TEX11: variants seen among roughly 807,000 people sequenced by gnomAD.
The protein encoded by TEX11 is testis-expressed protein 11.
A neutral mutation model predicts 84.4 loss-of-function variants in TEX11; 7 were observed. The observed-to-expected ratio is 0.08, with a 90% CI of 0.05 to 0.16. The LOEUF is 0.16. TEX11 is among the 10% of genes least tolerant of loss of function. TEX11 has a pLI of 1.00. For synonymous variants in TEX11, 264 were observed against 222.8 expected (o/e 1.18, Z -1.64); for missense variants, 551 against 660.5 (o/e 0.83, Z 1.82).
intron 25 of TEX11, among the ~76,000 whole-genome samples, chrX:70,568,257 G>T (rs2088525098): frequency 9.0e-6 from 1 of 110,907 alleles, no homozygotes; most frequent in African/African-American, 3.3e-5. Context: ...CCATTTGCTT[G>T]GTAGATCTTC....
chrX:70,846,543 T>G (rs887382826), intron 7 of TEX11, among the ~76,000 whole-genome samples: 5 of 112,207 alleles, frequency 4.5e-5, no homozygotes, highest in Non-Finnish European at 7.5e-5. Context: ...CGCCACCCAT[T>G]CAGTCCTTAA....
At chrX:70,678,359 A>C (rs2090092601) in intron 15 of TEX11, among the ~76,000 whole-genome samples, 1 of 110,858 alleles carries the variant, frequency 9.0e-6, no homozygotes, top group Non-Finnish European at 1.9e-5. Context: ...CAAATGTATA[A>C]TACACAAAGA....
intron 11 of TEX11, among the ~76,000 whole-genome samples, chrX:70,739,037 G>A (rs889847735): frequency 9.0e-6 from 1 of 111,084 alleles, no homozygotes; most frequent in African/African-American, 3.3e-5. Flanking sequence ...GTTGATAGGT[G>A]CAGCAAACCA....
chrX:70,517,786 C>A, the TEX11 span, among the ~76,000 whole-genome samples: 1 of 111,222 alleles, frequency 9.0e-6, no homozygotes, highest in Non-Finnish European at 1.9e-5. Flanking sequence ...TTAATAATTG[C>A]CTCAATTTCA....
At position 70,905,785 on chromosome X, in the gene TEX11, C is replaced by T. The variant is rs367757170; in HGVS notation, c.37+1968G>A. On this transcript the variant is annotated intron_variant, in intron 2 of 29. Coordinates refer to ENST00000374333, the MANE Select transcript of TEX11 (RefSeq NM_031276.3). ...TTAAAAACACAGCCTGGCACAGTGA[C>T]TCACGCCTGTAATCCTAAGACTTTG... Among the ~76,000 whole-genome samples, 9 of 108,445 alleles carry T rather than the reference C, an allele frequency of 8.3e-5. No individual in the cohort carries two copies. In the East Asian group the frequency reaches 1.7e-3, roughly 21 times the overall value. The allele number at this position is 108,445 out of a possible 115,157, so 94.2% of individuals were successfully genotyped here. A position where few individuals can be genotyped will look rare whatever the true frequency, so the allele number is the denominator to read the frequency against.
chrX:70,735,363 T>A (rs753727569), intron 11 of TEX11, among the ~76,000 whole-genome samples: 2 of 111,962 alleles, frequency 1.8e-5, no homozygotes, highest in East Asian at 5.6e-4. Context: ...GAAAATATGA[T>A]CTTGTATACA....
At chrX:70,659,404 A>G (rs1339363717) in intron 16 of TEX11, among the ~76,000 whole-genome samples, 2 of 112,487 alleles carry the variant, frequency 1.8e-5, no homozygotes, top group Non-Finnish European at 3.8e-5. Flanking sequence ...ACTTCAACAG[A>G]TGTTTCTCCA....
At chrX:70,877,650 T>A (rs752321388) in intron 3 of TEX11, among the ~76,000 whole-genome samples, 1 of 112,035 alleles carries the variant, frequency 8.9e-6, no homozygotes, top group South Asian at 3.7e-4. Flanking sequence ...AACAAATGAA[T>A]GGATAAACAA....
rs747851892 is a variant in TEX11, at chrX:70,903,677, T to G, written c.37+4076A>C. Reference sequence around the variant, plus strand: ...ACTAGAAACCAGGTAATATCAGGAATGTTTGAACAAACTGAGAATGCTCAA... The same window carrying G: ...ACTAGAAACCAGGTAATATCAGGAAGGTTTGAACAAACTGAGAATGCTCAA... On this transcript the variant is annotated intron_variant, in intron 2 of 29. Coordinates refer to ENST00000374333, the MANE Select transcript of TEX11 (RefSeq NM_031276.3). 5.4e-5 allele frequency among the ~76,000 whole-genome samples: 6 copies of G among 110,552 alleles called. No homozygotes were observed. In the East Asian group the frequency reaches 1.8e-3, roughly 33 times the overall value.
chrX:70,599,266 T>G (rs1387407673), intron 24 of TEX11, among the ~76,000 whole-genome samples: 4 of 112,362 alleles, frequency 3.6e-5, no homozygotes, highest in African/African-American at 1.3e-4. Context: ...GGGCCTGATT[T>G]GGCCAGCTGG....
chrX:70,844,921 T>A (rs1316569565), intron 7 of TEX11, among the ~76,000 whole-genome samples: 2 of 108,353 alleles, frequency 1.8e-5, no homozygotes, highest in Non-Finnish European at 3.8e-5. Context: ...TGTGGCAGAA[T>A]GAGACTGCCT....
chrX:70,722,547 T>C (rs1286248300), intron 13 of TEX11, 71 bp downstream of exon 13: 1 of 868,132 alleles, frequency 1.2e-6, no homozygotes, highest in Non-Finnish European at 1.7e-6. Flanking sequence ...AGTGCTGGGA[T>C]TCTAGGTGTG....
intron 18 of TEX11, among the ~76,000 whole-genome samples, chrX:70,629,370 C>T (rs1323873796): frequency 8.9e-6 from 1 of 111,774 alleles, no homozygotes; most frequent in Non-Finnish European, 1.9e-5. Context: ...TAATGTTTTG[C>T]TACGTTTATT....
At chrX:70,823,163 T>C (rs184612536) in intron 8 of TEX11, among the ~76,000 whole-genome samples, 1 of 111,518 alleles carries the variant, frequency 9.0e-6, no homozygotes. Context: ...AAGCAAATAC[T>C]ACATGATCTC....
intron 13 of TEX11, among the ~76,000 whole-genome samples, chrX:70,719,565 C>A (rs918338369): frequency 8.9e-4 from 99 of 111,396 alleles, no homozygotes; most frequent in Middle Eastern, 4.6e-3. Context: ...AAAGAAACTA[C>A]CATCAGAGTG....
At chrX:70,607,566 A>C (rs1466137388) in intron 22 of TEX11, among the ~76,000 whole-genome samples, 1 of 110,472 alleles carries the variant, frequency 9.1e-6, no homozygotes, top group Non-Finnish European at 1.9e-5. Flanking sequence ...TCTGGCAGCA[A>C]AACTCCGTCT....
At chrX:70,723,817 G>A (rs1309225936) in intron 12 of TEX11, among the ~76,000 whole-genome samples, 1 of 111,803 alleles carries the variant, frequency 8.9e-6, no homozygotes, top group Non-Finnish European at 1.9e-5. Flanking sequence ...AATAATGCCA[G>A]CAGTTAGGCT....
chrX:70,561,374 A>G (rs1048158843), intron 25 of TEX11, among the ~76,000 whole-genome samples: 4 of 96,985 alleles, frequency 4.1e-5, no homozygotes, highest in Non-Finnish European at 8.2e-5. Context: ...GTATCCAACA[A>G]CCATATCAAT....
chrX:70,629,677 A>G lies in TEX11; in HGVS notation c.1542T>C (p.Asn514=), dbSNP rs2089486994. The G allele has an allele frequency of 2.5e-6, 3 of 1,194,653 alleles. No individual in the cohort carries two copies. The African/African-American group carries it at 5.3e-5, about 21-fold the overall frequency. The change falls in exon 18 of 30, where the codon AAT becomes AAC. Residue 514 remains asparagine, a synonymous_variant. Coordinates refer to ENST00000374333, the MANE Select transcript of TEX11 (RefSeq NM_031276.3). ...NILTDEESED[N]DLVAERGSPT... ...GTGAACCTCTCTCTGCAACTAGATC[A>G]TTATCTTCTGACTCTTCATCTGTTA...
Sources: allele counts gnomAD v4.1 joint callset (sites outside exome capture counted in the v4.1 genomes callset), GRCh38; gene constraint gnomAD v4.1.1; transcripts MANE v1.5; gene names NCBI Gene and HGNC (gene_info 2026-07-23, HGNC 2026-07-21).